FOXP1: variants seen among roughly 807,000 people sequenced by gnomAD.
FOXP1 encodes forkhead box protein P1.
In FOXP1, 15 loss-of-function variants were observed where a neutral mutation model predicts 98.2. The ratio of observed to expected loss-of-function variants is 0.15; its 90% CI spans 0.10 to 0.24. The LOEUF (loss-of-function observed/expected upper bound fraction) is 0.24. Ranked by LOEUF, FOXP1 falls within the 10% of genes least tolerant of loss-of-function variation. The pLI is 1.00. For missense variants in FOXP1, 633 were observed against 848.5 expected (o/e 0.75, Z 3.15); for synonymous variants, 371 against 314.5 (o/e 1.18, Z -1.90).
chr3:71,564,309 C>T (rs747147904), intron 2 of FOXP1, among the ~76,000 whole-genome samples: 3 of 152,172 alleles, frequency 2.0e-5, no homozygotes, highest in Non-Finnish European at 2.9e-5. Flanking sequence ...TAACCAATAA[C>T]GATACAATAG....
chr3:71,447,222 T>C (rs2086530729), intron 3 of FOXP1, among the ~76,000 whole-genome samples: 1 of 152,196 alleles, frequency 6.6e-6, no homozygotes, highest in South Asian at 2.1e-4. Context: ...AATACCTCTG[T>C]CTACACCTAT....
At chr3:71,401,653 T>C (rs2108212434) in intron 3 of FOXP1, among the ~76,000 whole-genome samples, 1 of 152,332 alleles carries the variant, frequency 6.6e-6, no homozygotes, top group East Asian at 1.9e-4. Flanking sequence ...AACAGGTCTG[T>C]ATGCAAGACA....
At chr3:71,097,098 T>A (rs1157195061) in intron 7 of FOXP1, among the ~76,000 whole-genome samples, 1 of 152,150 alleles carries the variant, frequency 6.6e-6, no homozygotes, top group African/African-American at 2.4e-5. Flanking sequence ...CAATAAGGAA[T>A]CCTGGTTCAA....
At position 71,537,004 on chromosome 3, in the gene FOXP1, G is replaced by A. The variant is rs937518; in HGVS notation, c.-297-43449C>T. On this transcript the variant is annotated intron_variant, in intron 2 of 20. Coordinates refer to ENST00000649528, the MANE Select transcript of FOXP1 (RefSeq NM_001349338.3). ...GCCATGGAGGGAAGGTCTGCCAACT[G>A]TCCCAGGATGTCAGGTGGACGTGGG... Among the ~76,000 whole-genome samples the A allele has an allele frequency of 5.1e-3, 773 of 152,280 alleles. 30 individuals carry two copies. The South Asian group carries it at 0.087, about 17-fold the overall frequency.
chr3:71,003,473 G>A (rs924826836), intron 12 of FOXP1, among the ~76,000 whole-genome samples: 1 of 151,354 alleles, frequency 6.6e-6, no homozygotes. Context: ...ATCAAGATAA[G>A]AGAAATCAAA....
intron 6 of FOXP1, among the ~76,000 whole-genome samples, chr3:71,113,827 G>C (rs1431404125): frequency 2.0e-5 from 3 of 152,008 alleles, no homozygotes; most frequent in African/African-American, 7.2e-5. Flanking sequence ...CACTGCCAAA[G>C]AATTAAGAAC....
intron 2 of FOXP1, among the ~76,000 whole-genome samples, chr3:71,579,252 A>G (rs1458337635): frequency 6.6e-6 from 1 of 152,228 alleles, no homozygotes; most frequent in African/African-American, 2.4e-5. Context: ...AGTGTTACAC[A>G]GTTTATACTC....
intron 3 of FOXP1, among the ~76,000 whole-genome samples, chr3:71,443,305 T>C (rs1288910384): frequency 6.6e-6 from 1 of 152,240 alleles, no homozygotes; most frequent in African/African-American, 2.4e-5. Context: ...AATTAGCTTA[T>C]CCATCACCTC....
intron 3 of FOXP1, among the ~76,000 whole-genome samples, chr3:71,429,250 G>A (rs1195971723): frequency 1.3e-5 from 2 of 152,290 alleles, no homozygotes; most frequent in East Asian, 3.9e-4. Flanking sequence ...GAAAACTATG[G>A]GAGGGTCTGG....
chr3:71,134,196 G>A (rs375350198), intron 6 of FOXP1, among the ~76,000 whole-genome samples: 3 of 152,290 alleles, frequency 2.0e-5, no homozygotes, highest in South Asian at 4.1e-4. Flanking sequence ...TACCTAGACA[G>A]ACTAAGGTGG....
chr3:71,124,655 G>A (rs200935001), intron 6 of FOXP1, among the ~76,000 whole-genome samples: 58 of 141,942 alleles, frequency 4.1e-4, no homozygotes, highest in African/African-American at 3.9e-4. Context: ...AAAAAAAAAA[G>A]AAAAAAAAAA....
intron 6 of FOXP1, among the ~76,000 whole-genome samples, chr3:71,137,092 T>C (rs2059854211): frequency 6.6e-6 from 1 of 152,122 alleles, no homozygotes; most frequent in Non-Finnish European, 1.5e-5. Flanking sequence ...AGGCAAGATA[T>C]GAGGAGGGGG....
chr3:71,210,752 A>T (rs1443980854), intron 5 of FOXP1: 1 of 152,288 alleles, frequency 6.6e-6, no homozygotes, highest in African/African-American at 2.4e-5. Context: ...CCAACACCCC[A>T]GTGAAAACCT....
At chr3:70,965,489 T>A (rs1007483218) in intron 20 of FOXP1, among the ~76,000 whole-genome samples, 1 of 152,200 alleles carries the variant, frequency 6.6e-6, no homozygotes, top group Non-Finnish European at 1.5e-5. Flanking sequence ...TGAACCTTAG[T>A]GCACCACCAA....
intron 7 of FOXP1, among the ~76,000 whole-genome samples, chr3:71,081,537 T>C (rs913450848): frequency 1.3e-5 from 2 of 151,996 alleles, no homozygotes; most frequent in Non-Finnish European, 2.9e-5. Context: ...TTCTTTCCAT[T>C]GCTTCACGCC....
chr3:71,181,744 C>G (rs1051489357), intron 6 of FOXP1, among the ~76,000 whole-genome samples: 2 of 152,022 alleles, frequency 1.3e-5, no homozygotes, highest in Non-Finnish European at 2.9e-5. Context: ...TTAAAGAAAA[C>G]AAATGTGGCC....
chr3:71,127,604 T>A (rs1260390079), intron 6 of FOXP1, among the ~76,000 whole-genome samples: 1 of 152,188 alleles, frequency 6.6e-6, no homozygotes, highest in East Asian at 1.9e-4. Context: ...CTGCCTGTGG[T>A]CAGGGCTGAC....
chr3:71,554,862 T>C (rs570612462), intron 2 of FOXP1, among the ~76,000 whole-genome samples: 15 of 152,342 alleles, frequency 9.8e-5, no homozygotes, highest in African/African-American at 3.6e-4. Flanking sequence ...GTACCTTCTT[T>C]AGCAAATGGG....
At chr3:71,114,638 G>T (rs1004097089) in intron 6 of FOXP1, among the ~76,000 whole-genome samples, 4 of 152,168 alleles carry the variant, frequency 2.6e-5, no homozygotes, top group African/African-American at 4.8e-5. Flanking sequence ...GAGGCCTTCT[G>T]CCTACTGAAC....
Sources: allele counts gnomAD v4.1 joint callset (sites outside exome capture counted in the v4.1 genomes callset), GRCh38; gene constraint gnomAD v4.1.1; transcripts MANE v1.5; gene names NCBI Gene and HGNC (gene_info 2026-07-23, HGNC 2026-07-21).